The following UNC5B variants were observed in gnomAD, a reference collection of about 807,000 sequenced individuals.
UNC5B encodes netrin receptor UNC5B.
Under a neutral mutation model 103.7 loss-of-function variants are expected in UNC5B, and 56 were observed. The ratio of observed to expected loss-of-function variants is 0.54; its 90% CI spans 0.44 to 0.67. The LOEUF is 0.67. Ranked by LOEUF, UNC5B falls within the 30% of genes least tolerant of loss-of-function variation. The probability of loss-of-function intolerance (pLI) is 0.00; values close to 1 mark genes in which losing one functional copy is unlikely to be tolerated. For missense variants in UNC5B, 1,194 were observed against 1,284.5 expected, an observed-to-expected ratio of 0.93 and a Z score of 1.08; for synonymous variants, 577 against 542.0, an observed-to-expected ratio of 1.06 and a Z score of -0.90.
intron 1 of UNC5B, among the ~76,000 whole-genome samples, chr10:71,237,544 G>A (rs978685179): frequency 7.8e-6 from 1 of 128,326 alleles, no homozygotes; most frequent in African/African-American, 2.7e-5. Context: ...GGGGGTAAGA[G>A]CAGTGAGACG....
intron 14 of UNC5B, 95 bp downstream of exon 14, chr10:71,296,055 G>C: frequency 6.5e-7 from 1 of 1,536,424 alleles, no homozygotes; most frequent in South Asian, 1.2e-5. Context: ...GCTCTGTCCT[G>C]TGGCCTTACC....
At chr10:71,231,106 G>A (rs753958672) in intron 1 of UNC5B, among the ~76,000 whole-genome samples, 1 of 152,184 alleles carries the variant, frequency 6.6e-6, no homozygotes, top group African/African-American at 2.4e-5. Flanking sequence ...GTGAACCATA[G>A]GATTCCTTAT....
intron 1 of UNC5B, among the ~76,000 whole-genome samples, chr10:71,218,730 C>T (rs75132238): frequency 0.098 from 14,969 of 152,262 alleles, 936 homozygotes; most frequent in Non-Finnish European, 0.15. Context: ...AGCATGGGAG[C>T]GGCTGTGGTT....
intron 1 of UNC5B, among the ~76,000 whole-genome samples, chr10:71,231,281 G>A (rs540580516): frequency 6.6e-6 from 1 of 152,348 alleles, no homozygotes; most frequent in Non-Finnish European, 1.5e-5. Flanking sequence ...GTTGGCGAGA[G>A]TATGGGCTCG....
chr10:71,262,926 T>C (rs994948564), intron 1 of UNC5B, among the ~76,000 whole-genome samples: 3 of 152,198 alleles, frequency 2.0e-5, no homozygotes, highest in Admixed American at 6.5e-5. Context: ...CAAATAAGTA[T>C]ATAACTTGAA....
Position 71,212,934 on chromosome 10 carries a change from GGGCCAGGGAGACA to G in UNC5B, c.-50_-38del. On this transcript the variant is annotated 5_prime_UTR_variant, in exon 1 of 17. Coordinates refer to ENST00000335350, the MANE Select transcript of UNC5B (RefSeq NM_170744.5). ...GGCGGAGACGGCGGCGGCGAGACTG[GGGCCAGGGAGACA>G]GCCCTGGGGGAGAGGCGCCCGAACC... The G allele has an allele frequency of 1.6e-6, 2 of 1,239,890 alleles. No individual in the cohort carries two copies. Among genetic ancestry groups the G allele is most frequent in the Non-Finnish European group, 2.0e-6 (2 of 983,456 alleles). The allele number at this position is 1,239,890 out of a possible 1,614,324, so 76.8% of individuals were successfully genotyped here. A position where few individuals can be genotyped will look rare whatever the true frequency, so the allele number is the denominator to read the frequency against.
chr10:71,257,421 G>T (rs1230430987), intron 1 of UNC5B, among the ~76,000 whole-genome samples: 1 of 152,204 alleles, frequency 6.6e-6, no homozygotes, highest in African/African-American at 2.4e-5. Flanking sequence ...CACCTCTCTT[G>T]CCCCCTTCCC....
chr10:71,251,130 G>A (rs1368056256), intron 1 of UNC5B, among the ~76,000 whole-genome samples: 1 of 152,156 alleles, frequency 6.6e-6, no homozygotes, highest in Non-Finnish European at 1.5e-5. Flanking sequence ...CAAATATATT[G>A]ATATGGAAAC....
At chr10:71,228,607 A>G (rs1843618841) in intron 1 of UNC5B, among the ~76,000 whole-genome samples, 1 of 152,264 alleles carries the variant, frequency 6.6e-6, no homozygotes, top group African/African-American at 2.4e-5. Flanking sequence ...TGACCCTCGA[A>G]CAGACTTACT....
rs774516948 is a variant in UNC5B, at chr10:71,284,726, G to A, written c.311G>A (p.Arg104Gln). ...CTCTCTCTTCTCCTCCCAGGCCTGC[G>A]GGTGCGCGAGGTGCAGATCGAGGTG... ...QEGLDEATGL[R>Q]VREVQIEVSR... is the part of the protein sequence containing the mutation. The change falls in exon 3 of 17, where the codon CGG (arginine) becomes CAG (glutamine). Residue 104 changes from arginine (R) to glutamine (Q), a missense_variant. Physicochemically the swap from Arg to Gln is conservative, Grantham distance 43. Transcript: ENST00000335350. 13 of 1,613,688 alleles carry A rather than the reference G, an allele frequency of 8.1e-6. No homozygotes were observed. The highest frequency in any genetic ancestry group is 5.5e-5 in the South Asian group (5 of 91,078).
chr10:71,272,026 G>A (rs1405391788), intron 1 of UNC5B, among the ~76,000 whole-genome samples: 3 of 152,186 alleles, frequency 2.0e-5, no homozygotes, highest in Non-Finnish European at 2.9e-5. Context: ...CCAGATGGAG[G>A]AAGAGCTTTG....
intron 13 of UNC5B, 100 bp downstream of exon 13, chr10:71,294,033 C>G: frequency 9.2e-7 from 1 of 1,082,580 alleles, no homozygotes; most frequent in Admixed American, 2.6e-5. Flanking sequence ...CCAGGAACCC[C>G]TCCCCGCCAC....
intron 1 of UNC5B, among the ~76,000 whole-genome samples, chr10:71,270,275 A>T (rs1341716566): frequency 6.7e-6 from 1 of 148,304 alleles, no homozygotes; most frequent in African/African-American, 2.5e-5. Context: ...CAGGAGGCGG[A>T]GGTTGCAGTG....
chr10:71,241,384 C>T (rs1035156153), intron 1 of UNC5B, among the ~76,000 whole-genome samples: 1 of 152,194 alleles, frequency 6.6e-6, no homozygotes, highest in African/African-American at 2.4e-5. Flanking sequence ...TGTAAAGACA[C>T]ATGAAGACCT....
chr10:71,255,548 C>G (rs576926225), intron 1 of UNC5B, among the ~76,000 whole-genome samples: 1 of 152,324 alleles, frequency 6.6e-6, no homozygotes, highest in African/African-American at 2.4e-5. Context: ...AGAAACACCC[C>G]CGGGCTTTAG....
rs920680093 is a variant in UNC5B at position 71,212,688 on chromosome 10, G to A, written c.-298G>A. The A allele has an allele frequency of 5.1e-5, 14 of 274,424 alleles. No homozygotes were observed. Among genetic ancestry groups the A allele is most frequent in the Admixed American group, 1.1e-4 (2 of 18,604 alleles). 17.0% of individuals were successfully genotyped at this position (274,424 alleles called of 1,614,324 possible). A position where few individuals can be genotyped will look rare whatever the true frequency, so the allele number is the denominator to read the frequency against. On this transcript the variant is annotated 5_prime_UTR_variant, in exon 1 of 17. Coordinates refer to ENST00000335350, the MANE Select transcript of UNC5B (RefSeq NM_170744.5). ...GCCGCCGCTGCGAGCGCCACTGAGC[G>A]GTCGCGCAACTTCGGAGGCACAGCG...
chr10:71,238,667 C>T (rs1045413690), intron 1 of UNC5B, among the ~76,000 whole-genome samples: 4 of 152,116 alleles, frequency 2.6e-5, no homozygotes, highest in Non-Finnish European at 5.9e-5. Flanking sequence ...CTTGGCCAGG[C>T]TGGTCTTGAA....
At chr10:71,276,214 G>C (rs902236968) in intron 1 of UNC5B, among the ~76,000 whole-genome samples, 1 of 152,012 alleles carries the variant, frequency 6.6e-6, no homozygotes, top group Non-Finnish European at 1.5e-5. Context: ...AAATCAAAAC[G>C]TTTGTGCATC....
intron 1 of UNC5B, among the ~76,000 whole-genome samples, chr10:71,237,671 C>T (rs930209144): frequency 1.3e-5 from 2 of 152,260 alleles, no homozygotes; most frequent in East Asian, 1.9e-4. Context: ...CGGTGAAGTC[C>T]GTATTGGAAG....
Sources: gnomAD v4.1 joint callset for allele counts (sites outside exome capture counted in the v4.1 genomes callset) on GRCh38, gnomAD v4.1.1 for gene constraint, MANE v1.5 for transcripts, NCBI Gene and HGNC (gene_info 2026-07-23, HGNC 2026-07-21) for gene names.